Variants in CRTAC1 observed in about 807,000 individuals in gnomAD.
CRTAC1 encodes the protein acidic secreted protein in cartilage.
A neutral mutation model predicts 67.8 loss-of-function variants in CRTAC1; 37 were observed. That is an observed-to-expected ratio of 0.55 (90% CI 0.42 to 0.72). The LOEUF (loss-of-function observed/expected upper bound fraction) is 0.72. CRTAC1 is among the 30% of genes least tolerant of loss of function. CRTAC1 has a pLI of 0.00. For missense variants in CRTAC1, 780 were observed against 931.6 expected, an observed-to-expected ratio of 0.84 and a Z score of 2.12; for synonymous variants, 348 against 371.0, an observed-to-expected ratio of 0.94 and a Z score of 0.71.
intron 1 of CRTAC1, among the ~76,000 whole-genome samples, chr10:98,020,406 A>G (rs1416771841): frequency 1.3e-5 from 2 of 152,204 alleles, no homozygotes; most frequent in East Asian, 3.8e-4. Flanking sequence ...AAGAACTACC[A>G]CTGTCCGCAT....
intron 5 of CRTAC1, among the ~76,000 whole-genome samples, chr10:97,915,025 G>A (rs1043800535): frequency 7.2e-5 from 11 of 152,028 alleles, no homozygotes; most frequent in Non-Finnish European, 1.5e-4. Flanking sequence ...GCTGAAGGCC[G>A]GTACCTGGAT....
At chr10:98,012,152 C>A (rs931275302) in intron 1 of CRTAC1, among the ~76,000 whole-genome samples, 1 of 152,080 alleles carries the variant, frequency 6.6e-6, no homozygotes, top group Non-Finnish European at 1.5e-5. Context: ...CCATTGCGTG[C>A]GTGTTTTATT....
intron 7 of CRTAC1, among the ~76,000 whole-genome samples, chr10:97,902,630 G>A (rs1273166481): frequency 2.0e-5 from 3 of 152,156 alleles, no homozygotes; most frequent in Non-Finnish European, 4.4e-5. Flanking sequence ...CTCATCATAG[G>A]TGGGTTTTTC....
chr10:97,865,624 G>A lies in CRTAC1; in HGVS notation c.1910C>T (p.Thr637Ile). The change falls in exon 15 of 15, where the codon ACT becomes ATT. Residue 637 changes from threonine to isoleucine, a missense_variant. By Grantham distance (89) the Thr-to-Ile change is moderately conservative (BLOSUM62 -1). Transcript: ENST00000370597. ...TCCATCTACGAGGACCGGTGCAGCA[G>A]TGGCAGCTCCAGCAGCGGCAGCAGC... ...AAAAAAAGAA[T>I]AAPVLVDGDL... is the part of the protein sequence containing the mutation. 2 of 1,613,526 alleles carry A rather than the reference G, an allele frequency of 1.2e-6. No homozygotes were observed. The highest frequency in any genetic ancestry group is 1.7e-5 in the Admixed American group (1 of 60,008).
At chr10:97,963,815 T>G (rs887117046) in intron 2 of CRTAC1, among the ~76,000 whole-genome samples, 2 of 152,226 alleles carry the variant, frequency 1.3e-5, no homozygotes, top group African/African-American at 4.8e-5. Flanking sequence ...ATTTCAGCCC[T>G]GAGAGGTAGA....
chr10:97,900,402 C>T (rs971803117), intron 8 of CRTAC1, among the ~76,000 whole-genome samples: 1 of 152,220 alleles, frequency 6.6e-6, no homozygotes, highest in Non-Finnish European at 1.5e-5. Flanking sequence ...GTTAAAGGCG[C>T]TGAGAAGTCC....
At chr10:97,890,026 A>G (rs930259673) in intron 11 of CRTAC1, among the ~76,000 whole-genome samples, 2 of 152,056 alleles carry the variant, frequency 1.3e-5, no homozygotes, top group Non-Finnish European at 1.5e-5. Context: ...TCACAGTGAA[A>G]TACTCCACAG....
intron 4 of CRTAC1, among the ~76,000 whole-genome samples, chr10:97,920,468 A>G (rs1188623608): frequency 6.6e-6 from 1 of 152,144 alleles, no homozygotes; most frequent in African/African-American, 2.4e-5. Context: ...TTTAACCTAT[A>G]TCAGAATCAC....
intron 1 of CRTAC1, among the ~76,000 whole-genome samples, chr10:98,016,762 C>A (rs1020433579): frequency 6.6e-6 from 1 of 152,126 alleles, no homozygotes; most frequent in African/African-American, 2.4e-5. Context: ...GCCTTGTGGT[C>A]CCCAGATGGG....
In CRTAC1 at chr10:97,936,274, G is replaced by A. The variant is rs80014629; in HGVS notation, c.317C>T (p.Ala106Val). Residue 106 changes from alanine (A) to valine (V), a missense_variant, in exon 3 of 15, where the codon GCG (alanine) becomes GTG (valine). Ala to Val is a moderately conservative substitution (Grantham distance 64). Coordinates refer to ENST00000370597, the MANE Select transcript of CRTAC1 (RefSeq NM_018058.7). ...AVDERSSPYYALRDRQGNAIG... is the reference protein window; with the variant it reads ...AVDERSSPYYVLRDRQGNAIG... ...GGCGTTCCCCTGCCGGTCCCGCAGC[G>A]CGTAGTAGGGTGAGCTGCGCTCATC... 453 of 1,614,130 alleles carry A rather than the reference G, an allele frequency of 2.8e-4. 1 individual carries two copies. In the African/African-American group the frequency reaches 5.1e-3, roughly 18 times the overall value.
intron 3 of CRTAC1, among the ~76,000 whole-genome samples, chr10:97,930,736 C>T (rs1232975878): frequency 6.6e-6 from 1 of 152,062 alleles, no homozygotes; most frequent in East Asian, 1.9e-4. Context: ...CTGGAAGTAC[C>T]ACCCATCCAA....
At chr10:97,926,189 C>A (rs992382126) in intron 3 of CRTAC1, among the ~76,000 whole-genome samples, 1 of 152,182 alleles carries the variant, frequency 6.6e-6, no homozygotes. Context: ...AAGGGACCTG[C>A]GCTGAGCTGC....
chr10:98,018,199 CAAAAAAAAAAAAA>C (rs71007373), intron 1 of CRTAC1, among the ~76,000 whole-genome samples: 13,886 of 48,516 alleles, frequency 0.29, 1,015 homozygotes, highest in South Asian at 0.4. Flanking sequence ...AAGATGCCCG[CAAAAAAAAAAAAA>C]AAAAAAAAAA....
intron 4 of CRTAC1, among the ~76,000 whole-genome samples, 199 bp from the exon 5 acceptor site, chr10:97,917,855 C>A (rs1481169213): frequency 6.6e-6 from 1 of 152,174 alleles, no homozygotes; most frequent in African/African-American, 2.4e-5. Context: ...GTGAATGACA[C>A]TCCCAGGAGT....
intron 1 of CRTAC1, among the ~76,000 whole-genome samples, chr10:98,017,178 C>T (rs116083132): frequency 0.013 from 1,997 of 152,286 alleles, 53 homozygotes; most frequent in African/African-American, 0.046. Context: ...GAGAAGTACA[C>T]AGTACACAGT....
At chr10:97,976,482 G>C (rs2051805609) in intron 2 of CRTAC1, among the ~76,000 whole-genome samples, 2 of 152,170 alleles carry the variant, frequency 1.3e-5, no homozygotes, top group African/African-American at 4.8e-5. Flanking sequence ...GGAATCACAT[G>C]CATCAAACCT....
At chr10:97,878,667 GA>G in intron 14 of CRTAC1, 1 of 1,303,912 alleles carries the variant, frequency 7.7e-7, no homozygotes, top group South Asian at 1.2e-5. Context: ...GGAGATTGCA[GA>G]GACCAAGTAG....
At chr10:97,899,765 G>C (rs1277746506) in intron 8 of CRTAC1, among the ~76,000 whole-genome samples, 1 of 152,178 alleles carries the variant, frequency 6.6e-6, no homozygotes, top group Non-Finnish European at 1.5e-5. Flanking sequence ...CGGGAGATGG[G>C]GTAGGGGTCT....
intron 2 of CRTAC1, among the ~76,000 whole-genome samples, chr10:97,967,050 C>T (rs557476503): frequency 6.7e-6 from 1 of 148,328 alleles, no homozygotes; most frequent in South Asian, 2.2e-4. Context: ...GCGGCACCTA[C>T]GCAGGAGTAG....
Sources: allele counts gnomAD v4.1 joint callset (sites outside exome capture counted in the v4.1 genomes callset), GRCh38; gene constraint gnomAD v4.1.1; transcripts MANE v1.5; gene names NCBI Gene and HGNC (gene_info 2026-07-23, HGNC 2026-07-21).